MAD1L1: variants seen among roughly 807,000 people sequenced by gnomAD.
MAD1L1 encodes the protein mitotic arrest deficient 1 like 1.
Under a neutral mutation model 96.9 loss-of-function variants are expected in MAD1L1, and 95 were observed. The ratio of observed to expected loss-of-function variants is 0.98; its 90% CI spans 0.83 to 1.16. The LOEUF is 1.16. Among genes scored for constraint, MAD1L1 ranks in the 50% most tolerant of loss-of-function variants. The pLI is 0.00. For missense variants in MAD1L1, 1,007 were observed against 954.4 expected, an observed-to-expected ratio of 1.06 and a Z score of -0.73; for synonymous variants, 473 against 396.6, an observed-to-expected ratio of 1.19 and a Z score of -2.29.
At chr7:1,971,318 A>G (rs1401029563) in intron 15 of MAD1L1, among the ~76,000 whole-genome samples, 1 of 152,224 alleles carries the variant, frequency 6.6e-6, no homozygotes, top group Non-Finnish European at 1.5e-5. Context: ...CCTACAGGCT[A>G]CAGTTGGTCT....
intron 11 of MAD1L1, among the ~76,000 whole-genome samples, chr7:2,144,429 A>C (rs1789193186): frequency 1.3e-5 from 2 of 152,128 alleles, no homozygotes; most frequent in African/African-American, 4.8e-5. Flanking sequence ...GCACGGTCTT[A>C]TTTCCAGCAC....
At chr7:2,052,033 A>G (rs555050798) in intron 12 of MAD1L1, among the ~76,000 whole-genome samples, 2 of 152,280 alleles carry the variant, frequency 1.3e-5, no homozygotes, top group Admixed American at 1.3e-4. Flanking sequence ...GCGGAAAGAC[A>G]ACCATTCATG....
At chr7:2,227,292 T>C (rs148594255) in intron 3 of MAD1L1, among the ~76,000 whole-genome samples, 37 of 152,238 alleles carry the variant, frequency 2.4e-4, no homozygotes, top group African/African-American at 8.9e-4. Flanking sequence ...TAAGACCCTA[T>C]CTCCAAAAGA....
At chr7:1,882,732 G>A (rs934585007) in intron 18 of MAD1L1, among the ~76,000 whole-genome samples, 4 of 152,210 alleles carry the variant, frequency 2.6e-5, no homozygotes, top group Admixed American at 6.5e-5. Flanking sequence ...CCACAGGCCC[G>A]CTGCATGGCC....
chr7:1,987,229 G>A (rs1781192977), intron 14 of MAD1L1, among the ~76,000 whole-genome samples: 1 of 152,230 alleles, frequency 6.6e-6, no homozygotes, highest in Admixed American at 6.5e-5. Context: ...CTGGGCACGT[G>A]ACTCTCCTCC....
At chr7:1,828,146 G>A (rs934135884) in intron 18 of MAD1L1, among the ~76,000 whole-genome samples, 14 of 152,044 alleles carry the variant, frequency 9.2e-5, no homozygotes, top group South Asian at 2.1e-4. Context: ...GAGGGCGGCC[G>A]GCAGCTTCCG....
intron 13 of MAD1L1, among the ~76,000 whole-genome samples, chr7:2,010,707 G>A (rs1323290480): frequency 1.3e-5 from 2 of 152,228 alleles, no homozygotes; most frequent in Admixed American, 1.3e-4. Flanking sequence ...TTAGCTAACG[G>A]GTGGGTGGAA....
At chr7:2,066,028 A>G (rs1035518273) in intron 12 of MAD1L1, among the ~76,000 whole-genome samples, 74 of 152,256 alleles carry the variant, frequency 4.9e-4, no homozygotes, top group African/African-American at 1.7e-3. Flanking sequence ...TGCTTAAAAT[A>G]GTCATGATAT....
rs187215824 is a variant in MAD1L1, at chr7:2,114,707, C to T, written c.1073+34445G>A. ...ACAAAGTTTTGATGGAGCACAGCCA[C>T]CCAGAATCAAATACGAATCGCCGCT... On this transcript the variant is annotated intron_variant, in intron 11 of 18. Coordinates refer to ENST00000265854, the MANE Select transcript of MAD1L1 (RefSeq NM_001013836.2). The surrounding 1 kb of genome is among the most constrained non-coding windows in gnomAD (Gnocchi z 4.2). 2.0e-4 allele frequency among the ~76,000 whole-genome samples: 31 copies of T among 152,326 alleles called. No homozygotes were observed. Among genetic ancestry groups the T allele is most frequent in the Admixed American group, 1.8e-3 (27 of 15,302 alleles).
chr7:2,147,861 A>G (rs1789387038), intron 11 of MAD1L1, among the ~76,000 whole-genome samples: 1 of 152,266 alleles, frequency 6.6e-6, no homozygotes, highest in African/African-American at 2.4e-5. Flanking sequence ...GGACACAGAG[A>G]TGGGCCTGCT....
chr7:1,847,664 A>C, intron 18 of MAD1L1: 1 of 470,780 alleles, frequency 2.1e-6, no homozygotes, highest in South Asian at 1.5e-5. Context: ...CCATCTCCCA[A>C]AGCCTGGACG....
At chr7:2,008,072 G>A (rs918746178) in intron 13 of MAD1L1, among the ~76,000 whole-genome samples, 3 of 152,338 alleles carry the variant, frequency 2.0e-5, no homozygotes, top group South Asian at 2.1e-4. Context: ...GAAACTGACG[G>A]TCAACATGGA....
intron 10 of MAD1L1, among the ~76,000 whole-genome samples, chr7:2,150,200 C>T (rs976279753): frequency 3.9e-5 from 6 of 152,176 alleles, no homozygotes; most frequent in African/African-American, 1.4e-4. Context: ...CCCAGTCACT[C>T]TGTCAGCCAG....
intron 13 of MAD1L1, among the ~76,000 whole-genome samples, chr7:2,010,900 T>C (rs10950508): frequency 5.3e-5 from 8 of 152,278 alleles, no homozygotes; most frequent in South Asian, 4.1e-4. Context: ...GGAGTGTGAG[T>C]GGGGGACAGA....
intron 11 of MAD1L1, among the ~76,000 whole-genome samples, chr7:2,129,361 G>A (rs1788398103): frequency 6.6e-6 from 1 of 152,238 alleles, no homozygotes; most frequent in Non-Finnish European, 1.5e-5. Context: ...TAAAAGGTCT[G>A]TCTCCGCGGG....
intron 15 of MAD1L1, among the ~76,000 whole-genome samples, chr7:1,975,068 G>A (rs1780573263): frequency 6.6e-6 from 1 of 152,254 alleles, no homozygotes; most frequent in Non-Finnish European, 1.5e-5. Context: ...GCTGGGGACA[G>A]CTCTGGTGGT....
chr7:1,897,131 C>T (rs936827683), intron 18 of MAD1L1, among the ~76,000 whole-genome samples: 4 of 152,292 alleles, frequency 2.6e-5, no homozygotes, highest in South Asian at 4.1e-4. Flanking sequence ...TGAAGACGGG[C>T]GGGTTGTGCA....
chr7:2,092,184 CCA>C (rs1174414366), intron 11 of MAD1L1, among the ~76,000 whole-genome samples: 1 of 152,212 alleles, frequency 6.6e-6, no homozygotes, highest in Non-Finnish European at 1.5e-5. Context: ...TTAGCCATTC[CCA>C]CAGTGTGTGG....
At chr7:2,133,089 C>T (rs905257207) in intron 11 of MAD1L1, among the ~76,000 whole-genome samples, 4 of 150,146 alleles carry the variant, frequency 2.7e-5, no homozygotes, top group African/African-American at 7.4e-5. Context: ...CCGTCACCCA[C>T]GTGTCTGCTT....
Sources: gnomAD v4.1 joint callset for allele counts (sites outside exome capture counted in the v4.1 genomes callset) on GRCh38, gnomAD v4.1.1 for gene constraint, Gnocchi (gnomAD v3.1) non-coding constraint, MANE v1.5 for transcripts, NCBI Gene and HGNC (gene_info 2026-07-23, HGNC 2026-07-21) for gene names.